Variants in ACAP2 observed in about 807,000 individuals in gnomAD.
The protein encoded by ACAP2 is ArfGAP with coiled-coil, ankyrin repeat and PH domains 2.
ACAP2 carries 39 observed loss-of-function variants against 115.8 expected under a neutral mutation model. That is an observed-to-expected ratio of 0.34 (90% confidence interval 0.26 to 0.44). ACAP2 has a LOEUF of 0.44. Ranked by LOEUF, ACAP2 falls within the 20% of genes least tolerant of loss-of-function variation. The pLI is 1.00. For missense variants in ACAP2, 662 were observed against 927.6 expected (o/e 0.71, Z 3.72); for synonymous variants, 289 against 315.8 (o/e 0.92, Z 0.90).
intron 21 of ACAP2, among the ~76,000 whole-genome samples, chr3:195,288,628 C>T (rs1306715443): frequency 7.9e-5 from 12 of 152,070 alleles, no homozygotes; most frequent in Non-Finnish European, 1.3e-4. Flanking sequence ...GAGGCCGAGG[C>T]GGGTGGATCA....
At chr3:195,349,342 G>T (rs530386191) in intron 4 of ACAP2, among the ~76,000 whole-genome samples, 1 of 152,048 alleles carries the variant, frequency 6.6e-6, no homozygotes, top group South Asian at 2.1e-4. Context: ...TCAGCCGGGC[G>T]TGGTGGCACA....
At position 195,391,559 on chromosome 3, in the gene ACAP2, T is replaced by G. The variant is rs374937101; in HGVS notation, c.111+531A>C. Among the ~76,000 whole-genome samples, 81 of 152,206 alleles carry G rather than the reference T, an allele frequency of 5.3e-4. 2 individuals carry two copies. The South Asian group carries it at 0.015, about 29-fold the overall frequency. ...AGCTTCTAACAACATAAAGGATGTT[T>G]AGTGAGCTTTGAAGTCAGACATGGA... is the stretch of plus-strand genomic sequence containing the variant. On this transcript the variant is annotated intron_variant, in intron 2 of 22. Transcript: ENST00000326793.
At chr3:195,302,221 A>T (rs1268811954) in intron 13 of ACAP2, 47 bp from the exon 14 acceptor site, 13 of 1,528,680 alleles carry the variant, frequency 8.5e-6, no homozygotes, top group Non-Finnish European at 1.2e-5. Flanking sequence ...AAAAGATTGA[A>T]ATACTTTGTT....
intron 1 of ACAP2, among the ~76,000 whole-genome samples, chr3:195,426,169 G>C (rs111436511): frequency 6.6e-6 from 1 of 151,740 alleles, no homozygotes; most frequent in Non-Finnish European, 1.5e-5. Context: ...CAACCCTATC[G>C]GCCTTCCTTC....
At chr3:195,405,841 T>C (rs1239467402) in intron 1 of ACAP2, among the ~76,000 whole-genome samples, 1 of 152,012 alleles carries the variant, frequency 6.6e-6, no homozygotes, top group Non-Finnish European at 1.5e-5. Context: ...AGCAAATGCA[T>C]CTTACATGGC....
intron 13 of ACAP2, among the ~76,000 whole-genome samples, chr3:195,304,969 A>G (rs1466759814): frequency 6.6e-6 from 1 of 152,232 alleles, no homozygotes; most frequent in African/African-American, 2.4e-5. Context: ...TTGTGAAAGT[A>G]CTGATGCCCA....
At chr3:195,300,034 CTTTTT>C (rs761772967) in intron 15 of ACAP2, among the ~76,000 whole-genome samples, 1 of 141,892 alleles carries the variant, frequency 7.0e-6, no homozygotes, top group African/African-American at 2.8e-5. Context: ...TTTCTTTTTT[CTTTTT>C]TTTTCTTTTT....
chr3:195,308,368 G>C (rs924318209), intron 11 of ACAP2, among the ~76,000 whole-genome samples: 1 of 148,374 alleles, frequency 6.7e-6, no homozygotes, highest in Admixed American at 6.9e-5. Context: ...AAACAGCTAG[G>C]AGAAGAGATT....
intron 7 of ACAP2, among the ~76,000 whole-genome samples, chr3:195,333,780 A>G (rs925172543): frequency 5.3e-5 from 8 of 152,238 alleles, no homozygotes; most frequent in African/African-American, 1.9e-4. Flanking sequence ...CAAACTTTAA[A>G]TTGCAAAAAA....
At chr3:195,342,728 G>A in intron 5 of ACAP2, 74 bp from the exon 6 acceptor site, 3 of 1,190,982 alleles carry the variant, frequency 2.5e-6, no homozygotes, top group South Asian at 1.6e-5. Flanking sequence ...GGGCGCGGTG[G>A]CTCACACCTG....
intron 4 of ACAP2, among the ~76,000 whole-genome samples, chr3:195,369,404 G>A (rs1296534403): frequency 2.0e-5 from 3 of 151,864 alleles, no homozygotes; most frequent in African/African-American, 4.8e-5. Flanking sequence ...ATTTTTTTCC[G>A]ATCCTCTCCC....
chr3:195,402,933 T>C (rs939904423), intron 1 of ACAP2, among the ~76,000 whole-genome samples: 5 of 152,198 alleles, frequency 3.3e-5, no homozygotes, highest in Non-Finnish European at 4.4e-5. Context: ...CTTACCATCC[T>C]AGAGCTTACA....
chr3:195,285,949 A>G, intron 21 of ACAP2, 92 bp from the exon 22 acceptor site: 1 of 915,196 alleles, frequency 1.1e-6, no homozygotes, highest in East Asian at 2.9e-5. Context: ...GTACTAATGT[A>G]ATTGTGTTTT....
chr3:195,357,371 G>A (rs1296489664), intron 4 of ACAP2, among the ~76,000 whole-genome samples: 1 of 152,168 alleles, frequency 6.6e-6, no homozygotes, highest in Non-Finnish European at 1.5e-5. Context: ...CTCTGAACCT[G>A]TCCGGAGCCT....
Position 195,280,259 on chromosome 3 carries a change from G to A in ACAP2, c.2237-831C>T, listed in dbSNP as rs571375773. On this transcript the variant is annotated intron_variant, in intron 22 of 22. Transcript: ENST00000326793. ...AGGCTGAGGCGGGCAGATCACCTGA[G>A]GTCAGGAGTTTGAGACCGCCCGGCC... is the stretch of plus-strand genomic sequence containing the variant. Among the ~76,000 whole-genome samples, 37 of 152,256 alleles carry A rather than the reference G, an allele frequency of 2.4e-4. 2 individuals carry two copies. The South Asian group carries it at 7.3e-3, about 30-fold the overall frequency.
chr3:195,301,467 T>A, intron 15 of ACAP2, 108 bp downstream of exon 15: 1 of 827,526 alleles, frequency 1.2e-6, no homozygotes, highest in South Asian at 1.7e-5. Context: ...ACAATTTAGC[T>A]AGCATACATT....
chr3:195,336,127 C>A (rs1281727674), intron 7 of ACAP2: 1 of 151,826 alleles, frequency 6.6e-6, no homozygotes, highest in South Asian at 2.1e-4. Context: ...TGATCTCGAA[C>A]TCCTGACCTC....
chr3:195,287,648 T>C (rs1166590610), intron 21 of ACAP2, among the ~76,000 whole-genome samples: 3 of 152,102 alleles, frequency 2.0e-5, no homozygotes, highest in Non-Finnish European at 4.4e-5. Context: ...AAGCACAAAT[T>C]CCTACCACTG....
intron 12 of ACAP2, chr3:195,306,842 A>C: frequency 5.9e-6 from 2 of 336,904 alleles, no homozygotes; most frequent in Non-Finnish European, 1.0e-5. Context: ...ATAACCCATC[A>C]CTGAATATTT....
Sources: allele counts gnomAD v4.1 joint callset (sites outside exome capture counted in the v4.1 genomes callset), GRCh38; gene constraint gnomAD v4.1.1; transcripts MANE v1.5; gene names NCBI Gene and HGNC (gene_info 2026-07-23, HGNC 2026-07-21).